Variants in SLFN12L observed in about 807,000 individuals in gnomAD.
The protein encoded by SLFN12L is schlafen family member 12 like, also known as schlafen family member 12-like.
In SLFN12L, 34 loss-of-function variants were observed where a neutral mutation model predicts 34.8. The observed-to-expected ratio is 0.98, with a 90% CI of 0.74 to 1.30. SLFN12L has a LOEUF of 1.30. Ranked by LOEUF, SLFN12L falls within the 50% of genes most tolerant of loss-of-function variation. The pLI, the probability that SLFN12L is intolerant of heterozygous loss-of-function variation, is 0.00. For missense variants in SLFN12L, 703 were observed against 696.2 expected (o/e 1.01, Z -0.11); for synonymous variants, 259 against 247.5 (o/e 1.05, Z -0.44).
At chr17:35,509,208 G>C (rs1198727659) in intron 2 of SLFN12L, among the ~76,000 whole-genome samples, 1 of 152,204 alleles carries the variant, frequency 6.6e-6, no homozygotes, top group Admixed American at 6.5e-5. Context: ...TCAGTTATTA[G>C]ATTACTGTAG....
In SLFN12L at chr17:35,479,546, C is replaced by A. The variant is rs1276395239; in HGVS notation, c.736G>T (p.Val246Phe). 1 of 1,614,066 alleles carries A rather than the reference C, an allele frequency of 6.2e-7. No individual in the cohort carries two copies. Among genetic ancestry groups the A allele is most frequent in the East Asian group, 2.2e-5 (1 of 44,882 alleles). Residue 246 changes from valine to phenylalanine, a missense_variant, in exon 3 of 5, where the codon GTT (valine) becomes TTT (phenylalanine). Val to Phe is a conservative substitution (Grantham distance 50). Coordinates refer to ENST00000628453, the MANE Select transcript of SLFN12L (RefSeq NM_001363830.2). ...TCAGTCGAGAAGTTTTTTATTTCAA[C>A]GTGTGTGGATTCAGTAAAGGTCAAT... Reference protein sequence around the residue: ...EKLTFTESTHVEIKNFSTEKL... With the variant: ...EKLTFTESTHFEIKNFSTEKL...
intron 2 of SLFN12L, among the ~76,000 whole-genome samples, chr17:35,480,697 A>AATTAT (rs1384992658): frequency 2.6e-5 from 4 of 152,184 alleles, no homozygotes; most frequent in Non-Finnish European, 5.9e-5. Context: ...AATAATCTTA[A>AATTAT]TTATTTTTTA....
intron 2 of SLFN12L, among the ~76,000 whole-genome samples, chr17:35,487,478 C>A (rs1395167024): frequency 1.3e-5 from 2 of 152,152 alleles, no homozygotes; most frequent in African/African-American, 4.8e-5. Flanking sequence ...ACCACCCCCC[C>A]CGGACCCCCG....
intron 2 of SLFN12L, among the ~76,000 whole-genome samples, chr17:35,517,048 C>G (rs902038473): frequency 1.3e-5 from 2 of 152,168 alleles, no homozygotes; most frequent in Non-Finnish European, 2.9e-5. Flanking sequence ...TAATGTGTGC[C>G]ATGGGCACTG....
At chr17:35,494,105 C>T (rs1914947971) in intron 2 of SLFN12L, among the ~76,000 whole-genome samples, 2 of 151,988 alleles carry the variant, frequency 1.3e-5, no homozygotes, top group Admixed American at 6.6e-5. Context: ...AATTTATTTT[C>T]CTACGGGGTA....
chr17:35,473,868 T>A lies in SLFN12L; in HGVS notation c.*1055A>T, dbSNP rs1193665291. 6.6e-6 allele frequency: 1 copy of A among 152,222 alleles called. No individual in the cohort carries two copies. Among genetic ancestry groups the A allele is most frequent in the Non-Finnish European group, 1.5e-5 (1 of 68,068 alleles). 9.4% of individuals were successfully genotyped at this position (152,222 alleles called of 1,614,324 possible). A position where few individuals can be genotyped will look rare whatever the true frequency, so the allele number is the denominator to read the frequency against. On this transcript the variant is annotated 3_prime_UTR_variant, in exon 5 of 5. Transcript: ENST00000628453. ...GGGATTTGACTTCTCCCTGGCTCAG[T>A]CTTGGGAGGTTGCATGTGTTCAGGA...
Position 35,474,693 on chromosome 17 carries a change from G to A in SLFN12L, c.*230C>T, listed in dbSNP as rs1023962100. On this transcript the variant is annotated 3_prime_UTR_variant, in exon 5 of 5. Coordinates refer to ENST00000628453, the MANE Select transcript of SLFN12L (RefSeq NM_001363830.2). Reference sequence around the variant, plus strand: ...TCCTAGCACTTTGGGAGACCGGGGGGGGGGGTTGAATCACGAGGTCAGGAG... The same window carrying A: ...TCCTAGCACTTTGGGAGACCGGGGGAGGGGGTTGAATCACGAGGTCAGGAG... The A allele has an allele frequency of 2.4e-4, 89 of 374,990 alleles. No homozygotes were observed. Among genetic ancestry groups the A allele is most frequent in the Admixed American group, 1.0e-3 (23 of 22,070 alleles). 23.2% of individuals were successfully genotyped at this position (374,990 alleles called of 1,614,324 possible).
rs1441190286 is a variant in SLFN12L at position 35,469,949 on chromosome 17, TCA to T, written c.*4972_*4973del. On this transcript the variant is annotated 3_prime_UTR_variant, in exon 5 of 5. Coordinates refer to ENST00000628453, the MANE Select transcript of SLFN12L (RefSeq NM_001363830.2). ...AAAGGTTCCGAATTAGATTTTCCCC[TCA>T]CTTCTGCTCCTCTTTCCTTAACCAA... 1 of 152,196 alleles carries T rather than the reference TCA, an allele frequency of 6.6e-6. No individual in the cohort carries two copies. The highest frequency in any genetic ancestry group is 1.5e-5 in the Non-Finnish European group (1 of 68,058). 9.4% of individuals were successfully genotyped at this position (152,196 alleles called of 1,614,324 possible). A position where few individuals can be genotyped will look rare whatever the true frequency, so the allele number is the denominator to read the frequency against.
chr17:35,510,587 G>C (rs994546770), intron 2 of SLFN12L, among the ~76,000 whole-genome samples: 1 of 152,150 alleles, frequency 6.6e-6, no homozygotes, highest in Non-Finnish European at 1.5e-5. Flanking sequence ...ACGTTGCCAG[G>C]GGCTGGACAA....
intron 2 of SLFN12L, among the ~76,000 whole-genome samples, chr17:35,491,870 C>A (rs934239034): frequency 6.6e-6 from 1 of 152,192 alleles, no homozygotes; most frequent in Non-Finnish European, 1.5e-5. Context: ...GATGAAGAAC[C>A]TGTTTTCAAA....
intron 2 of SLFN12L, among the ~76,000 whole-genome samples, chr17:35,494,931 G>A (rs1027146309): frequency 6.8e-6 from 1 of 146,866 alleles, no homozygotes; most frequent in Non-Finnish European, 1.5e-5. Flanking sequence ...ATTGAGACAG[G>A]GTCTCCCTTT....
intron 2 of SLFN12L, among the ~76,000 whole-genome samples, chr17:35,494,893 A>AT (rs1914987268): frequency 2.0e-5 from 2 of 98,504 alleles, no homozygotes; most frequent in African/African-American, 3.8e-5. Context: ...TATTTATTTT[A>AT]TTTATTTATT....
chr17:35,477,883 C>T (rs547282469), intron 4 of SLFN12L, 192 bp downstream of exon 4: 13 of 442,910 alleles, frequency 2.9e-5, no homozygotes, highest in Admixed American at 8.7e-5. Flanking sequence ...ACTGCCTGAA[C>T]GAACAATTCT....
chr17:35,484,398 C>A (rs556764716), intron 2 of SLFN12L, among the ~76,000 whole-genome samples: 1 of 152,162 alleles, frequency 6.6e-6, no homozygotes, highest in Non-Finnish European at 1.5e-5. Context: ...GAAGGAAAAG[C>A]TTTGGTTCAG....
At chr17:35,514,700 T>C in intron 2 of SLFN12L, 1 of 371,414 alleles carries the variant, frequency 2.7e-6, no homozygotes, top group South Asian at 2.2e-5. Flanking sequence ...GCCCTTCTGC[T>C]CAACTACCAA....
intron 2 of SLFN12L, among the ~76,000 whole-genome samples, chr17:35,504,267 G>T (rs1172680156): frequency 6.6e-6 from 1 of 152,146 alleles, no homozygotes; most frequent in African/African-American, 2.4e-5. Context: ...TGTCAATCAG[G>T]AGTCTTGCCC....
At chr17:35,486,494 G>T (rs1007246631) in intron 2 of SLFN12L, among the ~76,000 whole-genome samples, 2 of 152,040 alleles carry the variant, frequency 1.3e-5, no homozygotes, top group Non-Finnish European at 1.5e-5. Context: ...ACTAGCCTGG[G>T]ATCCTGGCCA....
chr17:35,517,958 A>T (rs1322542326), intron 2 of SLFN12L, among the ~76,000 whole-genome samples: 1 of 152,258 alleles, frequency 6.6e-6, no homozygotes, highest in Non-Finnish European at 1.5e-5. Context: ...AAGAAAACCT[A>T]GGCAATACCA....
Position 35,474,782 on chromosome 17 carries a change from AT to A in SLFN12L, c.*140del. 3 of 803,460 alleles carry A rather than the reference AT, an allele frequency of 3.7e-6. No homozygotes were observed. Among genetic ancestry groups the A allele is most frequent in the South Asian group, 2.0e-5 (1 of 51,126 alleles). 49.8% of individuals were successfully genotyped at this position (803,460 alleles called of 1,614,324 possible). A position where few individuals can be genotyped will look rare whatever the true frequency, so the allele number is the denominator to read the frequency against. On this transcript the variant is annotated 3_prime_UTR_variant, in exon 5 of 5. Coordinates refer to ENST00000628453, the MANE Select transcript of SLFN12L (RefSeq NM_001363830.2). Reference sequence around the variant, plus strand: ...CTGCTAAAAATACAAAAAAAAAAAAATTAGCCAGGTGTGGTGGCAGGCACAT... The same window carrying A: ...CTGCTAAAAATACAAAAAAAAAAAAATAGCCAGGTGTGGTGGCAGGCACAT...
Sources: gnomAD v4.1 joint callset for allele counts (sites outside exome capture counted in the v4.1 genomes callset) on GRCh38, gnomAD v4.1.1 for gene constraint, MANE v1.5 for transcripts, NCBI Gene and HGNC (gene_info 2026-07-23, HGNC 2026-07-21) for gene names.